GNG7: variants seen among roughly 807,000 people sequenced by gnomAD.
GNG7 encodes the protein guanine nucleotide-binding protein G(I)/G(S)/G(O) subunit gamma-7.
GNG7 carries 1 observed loss-of-function variant against 4.0 expected under a neutral mutation model. The observed-to-expected ratio is 0.25, with a 90% confidence interval of 0.09 to 1.18. The LOEUF is 1.18. GNG7 is among the 50% of genes most tolerant of loss of function. The pLI, the probability that GNG7 is intolerant of heterozygous loss-of-function variation, is 0.50. For missense variants in GNG7, 86 were observed against 91.9 expected, an observed-to-expected ratio of 0.94 and a Z score of 0.26; for synonymous variants, 34 against 36.9, an observed-to-expected ratio of 0.92 and a Z score of 0.29.
chr19:2,619,436 G>A (rs779957177), intron 2 of GNG7, among the ~76,000 whole-genome samples: 47 of 152,192 alleles, frequency 3.1e-4, no homozygotes, highest in Admixed American at 1.5e-3. Context: ...CCCAGGCCTC[G>A]CACATAGTAA....
At chr19:2,568,074 C>T in intron 2 of GNG7, among the ~76,000 whole-genome samples, 1 of 151,232 alleles carries the variant, frequency 6.6e-6, no homozygotes, top group Non-Finnish European at 1.5e-5. Context: ...GACATACACA[C>T]ATATACACAT....
chr19:2,663,334 TTC>T (rs761118643), intron 1 of GNG7, among the ~76,000 whole-genome samples: 10 of 150,550 alleles, frequency 6.6e-5, no homozygotes, highest in South Asian at 2.1e-4. Context: ...CTCTCACCCT[TTC>T]TCTCTCTCTC....
chr19:2,690,806 C>CT (rs1913119395), intron 1 of GNG7, among the ~76,000 whole-genome samples: 1 of 152,162 alleles, frequency 6.6e-6, no homozygotes, highest in African/African-American at 2.4e-5. Flanking sequence ...GTTGGCCAGG[C>CT]TGGTCTCGAA....
chr19:2,545,972 A>G (rs1273140436), intron 3 of GNG7, among the ~76,000 whole-genome samples: 1 of 151,850 alleles, frequency 6.6e-6, no homozygotes, highest in Non-Finnish European at 1.5e-5. Flanking sequence ...AAACAAAACA[A>G]AACAAAACAA....
At chr19:2,694,624 C>A (rs1913202915) in intron 1 of GNG7, among the ~76,000 whole-genome samples, 2 of 151,152 alleles carry the variant, frequency 1.3e-5, no homozygotes, top group Middle Eastern at 3.2e-3. Context: ...ATCAGGGGGA[C>A]CCCCAGCTTC....
rs989969242 is a variant in GNG7 at position 2,653,065 on chromosome 19, C to G, written c.-134-6785G>C. ...GAGATCACACCACTGCACTCCAGCC[C>G]GGGCAACAGAGCAAGACTCTGACTC... On this transcript the variant is annotated intron_variant, in intron 1 of 4. Transcript: ENST00000382159. This position sits in a 1 kb window ranked among gnomAD's most constrained non-coding sequence, Gnocchi z 4.8. 6.6e-6 allele frequency among the ~76,000 whole-genome samples: 1 copy of G among 151,430 alleles called. No homozygotes were observed. Among genetic ancestry groups the G allele is most frequent in the South Asian group, 2.1e-4 (1 of 4,760 alleles).
chr19:2,539,373 T>C (rs1978869057), intron 3 of GNG7, among the ~76,000 whole-genome samples: 1 of 151,308 alleles, frequency 6.6e-6, no homozygotes, highest in Non-Finnish European at 1.5e-5. Flanking sequence ...AGGCGTGATC[T>C]CGGCTCACTG....
In GNG7 at chr19:2,690,927, G is replaced by A. The variant is rs1274915476; in HGVS notation, c.-135+11719C>T. Among the ~76,000 whole-genome samples the A allele has an allele frequency of 2.0e-5, 3 of 152,150 alleles. No individual in the cohort carries two copies. In the East Asian group the frequency reaches 5.8e-4, roughly 29 times the overall value. On this transcript the variant is annotated intron_variant, in intron 1 of 4. Coordinates refer to ENST00000382159, the MANE Select transcript of GNG7 (RefSeq NM_052847.3). Reference sequence around the variant, plus strand: ...GAAACTATAGGATACCACAATGGTGGACACGTATCCTTACACCCTTCTCCA... The same window carrying A: ...GAAACTATAGGATACCACAATGGTGAACACGTATCCTTACACCCTTCTCCA...
At chr19:2,700,478 CT>C (rs1339191393) in intron 1 of GNG7, among the ~76,000 whole-genome samples, 1 of 152,104 alleles carries the variant, frequency 6.6e-6, no homozygotes, top group African/African-American at 2.4e-5. Context: ...GGGGGTGACC[CT>C]GATGTGTGCT....
intron 3 of GNG7, among the ~76,000 whole-genome samples, chr19:2,533,763 C>A (rs1462151835): frequency 1.3e-5 from 2 of 152,032 alleles, no homozygotes; most frequent in African/African-American, 4.8e-5. Context: ...AAGATAATTC[C>A]AGATGAAAGG....
At chr19:2,525,971 A>ATTTTTTTTTTTTTTTTTTT (rs35639922) in intron 3 of GNG7, among the ~76,000 whole-genome samples, 5,227 of 75,300 alleles carry the variant, frequency 0.069, 1,061 homozygotes, top group East Asian at 0.091. Flanking sequence ...CTCCACGCCA[A>ATTTTTTTTTTTTTTTTTTT]TTTTTTTTTT....
At chr19:2,663,545 A>G (rs2144881533) in intron 1 of GNG7, among the ~76,000 whole-genome samples, 1 of 152,336 alleles carries the variant, frequency 6.6e-6, no homozygotes, top group South Asian at 2.1e-4. Flanking sequence ...ATAGCAGCAC[A>G]AAATAAAGAC....
intron 2 of GNG7, among the ~76,000 whole-genome samples, chr19:2,624,176 G>A (rs1379784941): frequency 2.0e-5 from 3 of 152,060 alleles, no homozygotes; most frequent in Non-Finnish European, 4.4e-5. Flanking sequence ...ACTGAACTGA[G>A]CCCTTAGAAA....
rs1981503007 is a variant in GNG7 at position 2,609,769 on chromosome 19, C to A, written c.-78+36455G>T. ...GGGTTAAAGGAACTGGTCCCCAGAGCTCACAGCTGCAGACTGGCCACCGTA... is the reference window on the plus strand; with the variant it reads ...GGGTTAAAGGAACTGGTCCCCAGAGATCACAGCTGCAGACTGGCCACCGTA... On this transcript the variant is annotated intron_variant, in intron 2 of 4. Coordinates refer to ENST00000382159, the MANE Select transcript of GNG7 (RefSeq NM_052847.3). The surrounding 1 kb of genome is among the most constrained non-coding windows in gnomAD (Gnocchi z 4.4). Among the ~76,000 whole-genome samples the A allele has an allele frequency of 6.6e-6, 1 of 152,186 alleles. No homozygotes were observed. The highest frequency in any genetic ancestry group is 1.9e-4 in the East Asian group (1 of 5,200).
At position 2,575,736 on chromosome 19, in the gene GNG7, C is replaced by CGCAGACACAG. The variant is rs1555695111; in HGVS notation, c.-77-20549_-77-20548insCTGTGTCTGC. Among the ~76,000 whole-genome samples, 89 of 80,724 alleles carry CGCAGACACAG rather than the reference C, an allele frequency of 1.1e-3. 13 individuals are homozygous for CGCAGACACAG. Among genetic ancestry groups the CGCAGACACAG allele is most frequent in the African/African-American group, 4.8e-3 (58 of 12,022 alleles). 53.0% of individuals were successfully genotyped at this position (80,724 alleles called of 152,430 possible). A position where few individuals can be genotyped will look rare whatever the true frequency, so the allele number is the denominator to read the frequency against. On this transcript the variant is annotated intron_variant, in intron 2 of 4. Coordinates refer to ENST00000382159, the MANE Select transcript of GNG7 (RefSeq NM_052847.3). ...AGGCACACGCAGACACGCAGGCACA[C>CGCAGACACAG]GCACACGCAGGCACACGCAGACACG...
chr19:2,692,964 T>C (rs1302518170), intron 1 of GNG7, among the ~76,000 whole-genome samples: 1 of 151,462 alleles, frequency 6.6e-6, no homozygotes. Context: ...CCAGCCTGGG[T>C]AACGGAGTAA....
Position 2,633,487 on chromosome 19 carries a change from G to GCGCGCACACACACACA in GNG7, c.-78+12736_-78+12737insTGTGTGTGTGTGCGCG, listed in dbSNP as rs1250581952. Among the ~76,000 whole-genome samples, 1 of 103,776 alleles carries GCGCGCACACACACACA rather than the reference G, an allele frequency of 9.6e-6. No individual in the cohort carries two copies. Among genetic ancestry groups the GCGCGCACACACACACA allele is most frequent in the Non-Finnish European group, 2.0e-5 (1 of 49,686 alleles). The allele number at this position is 103,776 out of a possible 152,430, so 68.1% of individuals were successfully genotyped here. ...TAGCAACAGGCGCGCGCGCGCGCGC[G>GCGCGCACACACACACA]CACACACACACACACACACACACAC... On this transcript the variant is annotated intron_variant, in intron 2 of 4. Transcript: ENST00000382159. The surrounding 1 kb of genome is among the most constrained non-coding windows in gnomAD (Gnocchi z 5.9).
rs869231931 is a variant in GNG7 at position 2,657,361 on chromosome 19, AATAT to A, written c.-134-11085_-134-11082del. 3.1e-3 allele frequency among the ~76,000 whole-genome samples: 50 copies of A among 16,298 alleles called. 1 individual carries two copies. Among genetic ancestry groups the A allele is most frequent in the Middle Eastern group, 0.024 (1 of 42 alleles). 10.7% of individuals were successfully genotyped at this position (16,298 alleles called of 152,430 possible). Reference sequence around the variant, plus strand: ...TTAAAAAAAAAAAAAAAAAAAAAAAAATATATATATATATATATATATATATATA... The same window carrying A: ...TTAAAAAAAAAAAAAAAAAAAAAAAAATATATATATATATATATATATATA... On this transcript the variant is annotated intron_variant, in intron 1 of 4. Transcript: ENST00000382159.
intron 2 of GNG7, among the ~76,000 whole-genome samples, chr19:2,620,226 AGAGGGGAGGGGAGGGGAGGGGAGGG>A (rs1176135635): frequency 5.3e-5 from 3 of 56,558 alleles, no homozygotes; most frequent in African/African-American, 7.9e-5. Flanking sequence ...AGAAAAGAGG[AGAGGGGAGGGGAGGGGAGGGGAGGG>A]GAGGGGAGGG....
Sources: allele counts gnomAD v4.1 joint callset (sites outside exome capture counted in the v4.1 genomes callset), GRCh38; gene constraint gnomAD v4.1.1; non-coding constraint Gnocchi (gnomAD v3.1); transcripts MANE v1.5; gene names NCBI Gene and HGNC (gene_info 2026-07-23, HGNC 2026-07-21).